CHMP7: variants seen among roughly 807,000 people sequenced by gnomAD.
CHMP7 encodes charged multivesicular body protein 7, also known as CHMP family, member 7.
A neutral mutation model predicts 53.7 loss-of-function variants in CHMP7; 15 were observed. The observed-to-expected ratio is 0.28, with a 90% confidence interval of 0.19 to 0.43. CHMP7 has a LOEUF of 0.43. Ranked by LOEUF, CHMP7 falls within the 20% of genes least tolerant of loss-of-function variation. CHMP7 has a pLI of 1.00. For missense variants in CHMP7, 527 were observed against 569.4 expected (o/e 0.93, Z 0.76); for synonymous variants, 261 against 228.0 (o/e 1.14, Z -1.30).
At position 23,258,767 on chromosome 8, in the gene CHMP7, C is replaced by G; in HGVS notation, c.996C>G (p.Leu332=). ...FNAYQAGVGA[L]KLSMKDVTVE... ...CCTACCAGGCTGGGGTAGGAGCACT[C>G]AAACTCTCCATGAAGGATGTCACAG... Residue 332 remains leucine, a synonymous_variant, in exon 8 of 11, where the codon CTC becomes CTG. Coordinates refer to ENST00000397677, the MANE Select transcript of CHMP7 (RefSeq NM_152272.5). 3 of 1,613,706 alleles carry G rather than the reference C, an allele frequency of 1.9e-6. No homozygotes were observed. The highest frequency in any genetic ancestry group is 2.5e-6 in the Non-Finnish European group (3 of 1,179,740).
intron 4 of CHMP7, 56 bp downstream of exon 4, chr8:23,255,488 G>T (rs189147669): frequency 6.5e-7 from 1 of 1,535,816 alleles, no homozygotes; most frequent in African/African-American, 1.4e-5. Flanking sequence ...TAAGTACATA[G>T]AGTAGTGAGC....
At chr8:23,248,439 A>G (rs907581962) in intron 2 of CHMP7, among the ~76,000 whole-genome samples, 1 of 152,176 alleles carries the variant, frequency 6.6e-6, no homozygotes, top group African/African-American at 2.4e-5. Context: ...AAAAATCACA[A>G]TTACTTTTGC....
chr8:23,255,094 C>T, intron 3 of CHMP7, 153 bp from the exon 4 acceptor site: 1 of 718,816 alleles, frequency 1.4e-6, no homozygotes, highest in Non-Finnish European at 2.4e-6. Context: ...ACAGATCCTT[C>T]CTCCTTTTTG....
chr8:23,254,059 TC>T (rs939420509), intron 3 of CHMP7, among the ~76,000 whole-genome samples: 4 of 152,078 alleles, frequency 2.6e-5, no homozygotes, highest in African/African-American at 9.7e-5. Flanking sequence ...CTCTCTCCTT[TC>T]CCCTCTACAT....
chr8:23,258,245 C>T, intron 6 of CHMP7, 85 bp from the exon 7 acceptor site: 1 of 1,572,162 alleles, frequency 6.4e-7, no homozygotes, highest in Admixed American at 1.7e-5. Flanking sequence ...AAAGCTGGGA[C>T]ATCCTTAGCG....
intron 3 of CHMP7, among the ~76,000 whole-genome samples, chr8:23,251,405 G>C (rs972908410): frequency 2.6e-5 from 4 of 152,182 alleles, no homozygotes; most frequent in Non-Finnish European, 4.4e-5. Context: ...GAGTGCGTGA[G>C]TGTGTATGTT....
intron 2 of CHMP7, 45 bp from the exon 3 acceptor site, chr8:23,249,165 A>G: frequency 4.7e-6 from 7 of 1,488,562 alleles, no homozygotes; most frequent in Admixed American, 2.3e-5. Context: ...GGAATGGGAC[A>G]TTGCATTAAG....
intron 7 of CHMP7, 41 bp downstream of exon 7, chr8:23,258,490 C>A (rs377314453): frequency 9.3e-6 from 15 of 1,610,548 alleles, no homozygotes; most frequent in Non-Finnish European, 1.3e-5. Flanking sequence ...CTGGTCTCTC[C>A]GTGTGTGTTG....
intron 3 of CHMP7, among the ~76,000 whole-genome samples, chr8:23,251,745 G>C (rs1410700340): frequency 1.3e-5 from 2 of 152,144 alleles, no homozygotes; most frequent in Non-Finnish European, 2.9e-5. Context: ...TTTGATGCCT[G>C]CATGATAATC....
At chr8:23,256,239 T>A (rs1000621502) in intron 4 of CHMP7, among the ~76,000 whole-genome samples, 2 of 152,150 alleles carry the variant, frequency 1.3e-5, no homozygotes. Context: ...GAATCTTCTA[T>A]AGGAAAAATT....
At chr8:23,244,107 T>C (rs7463256) in intron 1 of CHMP7, among the ~76,000 whole-genome samples, 50,424 of 151,910 alleles carry the variant, frequency 0.33, 9,547 homozygotes, top group South Asian at 0.49. Flanking sequence ...TATCTTCACA[T>C]TCTCTTCACA....
chr8:23,256,645 A>G, intron 5 of CHMP7, 52 bp downstream of exon 5: 1 of 1,548,186 alleles, frequency 6.5e-7, no homozygotes. Context: ...TGGCCCCCAG[A>G]GCCAGCAAAA....
At chr8:23,246,025 ATCAATT>A (rs1801670736) in intron 1 of CHMP7, 2 of 152,160 alleles carry the variant, frequency 1.3e-5, no homozygotes, top group Non-Finnish European at 2.9e-5. Context: ...CTAGAGGTTA[ATCAATT>A]TCATTGACCT....
At position 23,255,419 on chromosome 8, in the gene CHMP7, A is replaced by G; in HGVS notation, c.644A>G (p.Gln215Arg). Residue 215 changes from glutamine (Q) to arginine (R), a missense_variant, in exon 4 of 11, where the codon CAG becomes CGG. By Grantham distance (43) the Gln-to-Arg change is conservative. Coordinates refer to ENST00000397677, the MANE Select transcript of CHMP7 (RefSeq NM_152272.5). ...GAGAAGAGGGTCACAGTCCTCGAGC[A>G]GAACGGGGAGAAGGTATGGAGGCTC... The part of the protein sequence containing the change: ...QKEKRVTVLE[Q>R]NGEKIVKFAR... 1 of 1,614,192 alleles carries G rather than the reference A, an allele frequency of 6.2e-7. No individual in the cohort carries two copies. Among genetic ancestry groups the G allele is most frequent in the Non-Finnish European group, 8.5e-7 (1 of 1,179,996 alleles).
rs2128856424 is a variant in CHMP7, at chr8:23,246,788, G to A, written c.93G>A (p.Met31Ile). Residue 31 changes from methionine to isoleucine, a missense_variant, in exon 2 of 11, where the codon ATG (methionine) becomes ATA (isoleucine). By Grantham distance (10) the Met-to-Ile change is conservative. Transcript: ENST00000397677. ...AGTGGGAGGAGGACGAGGAGCGCATGTCCTTCCTGTTCTCCGCTTTCAAGA... is the reference window on the plus strand; with the variant it reads ...AGTGGGAGGAGGACGAGGAGCGCATATCCTTCCTGTTCTCCGCTTTCAAGA... ...PPEWEEDEER[M>I]SFLFSAFKRS... is the part of the protein sequence containing the mutation. 6.3e-7 allele frequency: 1 copy of A among 1,584,006 alleles called. No homozygotes were observed. The highest frequency in any genetic ancestry group is 8.6e-7 in the Non-Finnish European group (1 of 1,165,646).
intron 1 of CHMP7, among the ~76,000 whole-genome samples, chr8:23,244,675 A>G (rs938803981): frequency 1.3e-5 from 2 of 152,254 alleles, no homozygotes; most frequent in African/African-American, 4.8e-5. Context: ...TCCACAAAAT[A>G]ACTAGCCATG....
intron 1 of CHMP7, among the ~76,000 whole-genome samples, chr8:23,245,778 A>C (rs1343419925): frequency 6.6e-6 from 1 of 152,196 alleles, no homozygotes; most frequent in African/African-American, 2.4e-5. Flanking sequence ...GGATGTTGTT[A>C]ATTATTGATT....
chr8:23,255,285 G>A lies in CHMP7; in HGVS notation c.510G>A (p.Ser170=). 3.1e-6 allele frequency: 5 copies of A among 1,614,098 alleles called. No homozygotes were observed. The highest frequency in any genetic ancestry group is 2.7e-5 in the African/African-American group (2 of 75,046). Residue 170 remains serine, a synonymous_variant, in exon 4 of 11, where the codon TCG becomes TCA. Transcript: ENST00000397677. ...AEEVYRLYQN[S]PLSSHPVVAL... ...AGGTGTATCGTCTGTATCAGAACTCGCCCCTCTCCTCCCACCCCGTGGTGG... is the reference window on the plus strand; with the variant it reads ...AGGTGTATCGTCTGTATCAGAACTCACCCCTCTCCTCCCACCCCGTGGTGG...
chr8:23,261,355 A>C lies in CHMP7; in HGVS notation c.*756A>C, dbSNP rs934479831. The C allele has an allele frequency of 6.6e-6, 1 of 152,266 alleles. No homozygotes were observed. The highest frequency in any genetic ancestry group is 6.6e-5 in the Admixed American group (1 of 15,266). The allele number at this position is 152,266 out of a possible 1,614,324, so 9.4% of individuals were successfully genotyped here. ...TGGGAAGAGGCCCAGTCACTACAGG[A>C]CCCTGAGATGTCCAGACCCCTTATG... On this transcript the variant is annotated 3_prime_UTR_variant, in exon 11 of 11. Coordinates refer to ENST00000397677, the MANE Select transcript of CHMP7 (RefSeq NM_152272.5).
Sources: allele counts gnomAD v4.1 joint callset (sites outside exome capture counted in the v4.1 genomes callset), GRCh38; gene constraint gnomAD v4.1.1; transcripts MANE v1.5; gene names NCBI Gene and HGNC (gene_info 2026-07-23, HGNC 2026-07-21).